The following PCDH9 variants were observed in gnomAD, a reference collection of about 807,000 sequenced individuals.
PCDH9 encodes protocadherin-9.
PCDH9 carries 24 observed loss-of-function variants against 70.6 expected under a neutral mutation model. The observed-to-expected ratio is 0.34, with a 90% CI of 0.25 to 0.48. PCDH9 has a LOEUF of 0.48. Ranked by LOEUF, PCDH9 falls within the 20% of genes least tolerant of loss-of-function variation. PCDH9 has a pLI of 0.99. For synonymous variants in PCDH9, 562 were observed against 558.5 expected (o/e 1.01, Z -0.09); for missense variants, 1,281 against 1,503.6 (o/e 0.85, Z 2.45).
chr13:66,692,260 G>A (rs1170047194), intron 3 of PCDH9, among the ~76,000 whole-genome samples: 2 of 151,878 alleles, frequency 1.3e-5, no homozygotes, highest in Non-Finnish European at 2.9e-5. Flanking sequence ...AAATATTAGA[G>A]GGCAAATATT....
intron 3 of PCDH9, among the ~76,000 whole-genome samples, chr13:66,637,594 T>C (rs1193080365): frequency 6.6e-6 from 1 of 152,198 alleles, no homozygotes. Context: ...AATCACATCC[T>C]TTTTTGAGTG....
At chr13:66,867,669 A>G (rs1594176767) in intron 3 of PCDH9, among the ~76,000 whole-genome samples, 1 of 152,096 alleles carries the variant, frequency 6.6e-6, no homozygotes, top group African/African-American at 2.4e-5. Context: ...TTAACCTATC[A>G]TCTTTCTTTG....
chr13:66,816,330 A>T (rs1198896125), intron 3 of PCDH9, among the ~76,000 whole-genome samples: 1 of 152,304 alleles, frequency 6.6e-6, no homozygotes, highest in East Asian at 1.9e-4. Context: ...AAACAAACAC[A>T]CTAAAGCTAA....
At chr13:66,490,240 C>T (rs1346757511) in intron 4 of PCDH9, among the ~76,000 whole-genome samples, 1 of 152,146 alleles carries the variant, frequency 6.6e-6, no homozygotes, top group East Asian at 1.9e-4. Flanking sequence ...TTGCTTAAGG[C>T]CACCAGTGCC....
intron 3 of PCDH9, among the ~76,000 whole-genome samples, chr13:66,700,957 T>C (rs1424544118): frequency 1.5e-5 from 2 of 131,870 alleles, no homozygotes; most frequent in Admixed American, 7.5e-5. Context: ...TATATATATA[T>C]ATATATATAT....
chr13:66,460,980 G>T (rs528490128), intron 4 of PCDH9, among the ~76,000 whole-genome samples: 2 of 151,826 alleles, frequency 1.3e-5, no homozygotes, highest in South Asian at 4.2e-4. Context: ...ATTGGCCCAG[G>T]GTTTTTCATA....
intron 3 of PCDH9, among the ~76,000 whole-genome samples, chr13:66,738,327 C>T (rs951617642): frequency 1.2e-4 from 18 of 151,698 alleles, no homozygotes; most frequent in African/African-American, 1.9e-4. Context: ...ACATCCACAC[C>T]GAAAACCCAT....
intron 2 of PCDH9, among the ~76,000 whole-genome samples, chr13:66,933,333 T>C (rs2082847741): frequency 6.6e-6 from 1 of 152,166 alleles, no homozygotes; most frequent in Non-Finnish European, 1.5e-5. Flanking sequence ...TTAGAGGAAA[T>C]AAATTTCTCA....
intron 3 of PCDH9, among the ~76,000 whole-genome samples, chr13:66,846,098 T>C (rs957318509): frequency 5.2e-5 from 7 of 135,282 alleles, no homozygotes; most frequent in Non-Finnish European, 1.1e-4. Flanking sequence ...CAATCCAGGA[T>C]GTAAACACAC....
In PCDH9 at chr13:67,039,261, C is replaced by A. The variant is rs78318894; in HGVS notation, c.3037-135656G>T. Among the ~76,000 whole-genome samples the A allele has an allele frequency of 1.0e-3, 155 of 152,242 alleles. 1 individual carries two copies. The highest frequency in any genetic ancestry group is 3.6e-3 in the African/African-American group (151 of 41,568). ...TTGAAGGTCCCATAACCTGAGCATGCCCAGGTGAACCCAAAATGCAACCAC... is the reference window on the plus strand; with the variant it reads ...TTGAAGGTCCCATAACCTGAGCATGACCAGGTGAACCCAAAATGCAACCAC... On this transcript the variant is annotated intron_variant, in intron 2 of 4. Transcript: ENST00000377865.
At chr13:66,723,659 A>T (rs116173998) in intron 3 of PCDH9, among the ~76,000 whole-genome samples, 1 of 152,326 alleles carries the variant, frequency 6.6e-6, no homozygotes, top group African/African-American at 2.4e-5. Flanking sequence ...CAAAGAGGAC[A>T]AGGAAGCAAG....
At chr13:66,558,480 C>T (rs2138697547) in intron 4 of PCDH9, among the ~76,000 whole-genome samples, 2 of 152,074 alleles carry the variant, frequency 1.3e-5, no homozygotes, top group African/African-American at 4.8e-5. Context: ...GGTGAGATCC[C>T]ATTCTCTGCA....
At chr13:66,445,454 A>G (rs1735101525) in intron 4 of PCDH9, among the ~76,000 whole-genome samples, 3 of 144,626 alleles carry the variant, frequency 2.1e-5, no homozygotes, top group Admixed American at 1.4e-4. Context: ...GTGTATATAT[A>G]TACACATATA....
At chr13:66,841,982 G>A (rs967590857) in intron 3 of PCDH9, among the ~76,000 whole-genome samples, 1 of 152,148 alleles carries the variant, frequency 6.6e-6, no homozygotes, top group Admixed American at 6.5e-5. Context: ...AGAACAGCTG[G>A]AGGTGAGGAT....
Position 67,051,633 on chromosome 13 carries a change from C to T in PCDH9, c.3037-148028G>A, listed in dbSNP as rs1026113792. 1.3e-4 allele frequency among the ~76,000 whole-genome samples: 19 copies of T among 151,826 alleles called. No individual in the cohort carries two copies. In the South Asian group the frequency reaches 1.5e-3, roughly 12 times the overall value. ...GTCTCAAACTCCTGACCTCATGATC[C>T]GCCTACCCCAGCCTCCCAAAGTGCT... On this transcript the variant is annotated intron_variant, in intron 2 of 4. Coordinates refer to ENST00000377865, the MANE Select transcript of PCDH9 (RefSeq NM_203487.3).
chr13:67,226,188 C>A lies in PCDH9; in HGVS notation c.2253G>T (p.Leu751Phe). 1.2e-6 allele frequency: 2 copies of A among 1,614,110 alleles called. No individual in the cohort carries two copies. The highest frequency in any genetic ancestry group is 2.2e-5 in the East Asian group (1 of 44,870). ...ACCCCAGGTCACTTATGTTGACCAC[C>A]AAACGATGCAATCCCACATCAGTAG... Reference protein sequence around the residue: ...PAPTDVGLHRLVVNISDLGYP... With the variant: ...PAPTDVGLHRFVVNISDLGYP... Residue 751 changes from leucine (L) to phenylalanine (F), a missense_variant, in exon 2 of 5, where the codon TTG (leucine) becomes TTT (phenylalanine). By Grantham distance (22) the Leu-to-Phe change is conservative. Coordinates refer to ENST00000377865, the MANE Select transcript of PCDH9 (RefSeq NM_203487.3). This position sits in a 1 kb window ranked among gnomAD's most constrained non-coding sequence, Gnocchi z 5.0.
chr13:66,605,399 G>T lies in PCDH9; in HGVS notation c.3340+25811C>A, dbSNP rs77829075. Among the ~76,000 whole-genome samples the T allele has an allele frequency of 4.2e-3, 645 of 152,202 alleles. 20 individuals are homozygous for T. In the East Asian group the frequency reaches 0.083, roughly 20 times the overall value. ...TATGTGTTTCCTATAATATGTTACA[G>T]TTTCAAATAACCAAGGTTAACCATA... On this transcript the variant is annotated intron_variant, in intron 4 of 4. Coordinates refer to ENST00000377865, the MANE Select transcript of PCDH9 (RefSeq NM_203487.3).
rs2084637415 is a variant in PCDH9, at chr13:67,019,697, G to T, written c.3037-116092C>A. ...CAGCAAATGCTTAAGGAGATAAGGG[G>T]TAACCTCAAGCTATGGTAGACTAAG... On this transcript the variant is annotated intron_variant, in intron 2 of 4. Coordinates refer to ENST00000377865, the MANE Select transcript of PCDH9 (RefSeq NM_203487.3). Among the ~76,000 whole-genome samples the T allele has an allele frequency of 2.0e-5, 3 of 152,258 alleles. No individual in the cohort carries two copies. The East Asian group carries it at 5.8e-4, about 29-fold the overall frequency.
At chr13:66,739,522 C>T (rs1457787598) in intron 3 of PCDH9, among the ~76,000 whole-genome samples, 1 of 143,804 alleles carries the variant, frequency 7.0e-6, no homozygotes, top group South Asian at 2.3e-4. Context: ...GGACTAAATT[C>T]TCCAATTAAA....
Sources: gnomAD v4.1 joint callset for allele counts (sites outside exome capture counted in the v4.1 genomes callset) on GRCh38, gnomAD v4.1.1 for gene constraint, Gnocchi (gnomAD v3.1) non-coding constraint, MANE v1.5 for transcripts, NCBI Gene and HGNC (gene_info 2026-07-23, HGNC 2026-07-21) for gene names.